PRKAA1: variants seen among roughly 807,000 people sequenced by gnomAD.
PRKAA1 encodes 5'-AMP-activated protein kinase catalytic subunit alpha-1.
PRKAA1 carries 23 observed loss-of-function variants against 56.9 expected under a neutral mutation model. The ratio of observed to expected loss-of-function variants is 0.40; its 90% confidence interval spans 0.29 to 0.57. The LOEUF is 0.57. Among genes scored for constraint, PRKAA1 ranks in the 20% least tolerant of loss-of-function variants. The probability of loss-of-function intolerance (pLI) is 0.39; values close to 1 mark genes in which losing one functional copy is unlikely to be tolerated. For missense variants in PRKAA1, 413 were observed against 679.7 expected, an observed-to-expected ratio of 0.61 and a Z score of 4.36; for synonymous variants, 226 against 227.0, an observed-to-expected ratio of 1.00 and a Z score of 0.04.
At chr5:40,765,377 T>C in intron 6 of PRKAA1, 139 bp from the exon 7 acceptor site, 1 of 1,063,270 alleles carries the variant, frequency 9.4e-7, no homozygotes, top group Non-Finnish European at 1.3e-6. Context: ...CACTGAAATT[T>C]TCCTCTTCTA....
intron 8 of PRKAA1, 108 bp from the exon 9 acceptor site, chr5:40,763,130 G>C (rs1275845483): frequency 5.6e-6 from 6 of 1,074,404 alleles, no homozygotes; most frequent in Non-Finnish European, 8.2e-6. Flanking sequence ...CAGCTATCAA[G>C]AGCACGCTTA....
chr5:40,770,186 G>T (rs950078571), intron 4 of PRKAA1, among the ~76,000 whole-genome samples: 1 of 152,214 alleles, frequency 6.6e-6, no homozygotes. Flanking sequence ...CTCTGGGCCA[G>T]ACATGGTGGC....
At chr5:40,775,051 T>A in intron 3 of PRKAA1, 1 of 1,044,276 alleles carries the variant, frequency 9.6e-7, no homozygotes, top group Non-Finnish European at 1.4e-6. Context: ...AATAATAATA[T>A]ATTTTGTAAC....
intron 4 of PRKAA1, 115 bp downstream of exon 4, chr5:40,771,604 C>A: frequency 3.0e-6 from 3 of 989,484 alleles, no homozygotes; most frequent in South Asian, 3.6e-5. Context: ...CTTTGATATA[C>A]TCAGTCTATT....
At chr5:40,771,595 T>A in intron 4 of PRKAA1, 124 bp downstream of exon 4, 1 of 917,064 alleles carries the variant, frequency 1.1e-6, no homozygotes, top group Non-Finnish European at 1.6e-6. Flanking sequence ...AACAGAATAC[T>A]TTGATATACT....
At position 40,761,564 on chromosome 5, in the gene PRKAA1, A is replaced by G. The variant is rs1453250580; in HGVS notation, c.*1214T>C. ...GTAGATATACATGTGCTTACCAAACAGTTTTTCAATTTTTCTGTTTTTAAA... is the reference window on the plus strand; with the variant it reads ...GTAGATATACATGTGCTTACCAAACGGTTTTTCAATTTTTCTGTTTTTAAA... On this transcript the variant is annotated 3_prime_UTR_variant, in exon 9 of 9. Transcript: ENST00000397128. The G allele has an allele frequency of 2.6e-5, 4 of 152,304 alleles. No individual in the cohort carries two copies. The highest frequency in any genetic ancestry group is 1.9e-4 in the East Asian group (1 of 5,192). 9.4% of individuals were successfully genotyped at this position (152,304 alleles called of 1,614,324 possible). A position where few individuals can be genotyped will look rare whatever the true frequency, so the allele number is the denominator to read the frequency against.
chr5:40,765,346 C>A, intron 6 of PRKAA1, 108 bp from the exon 7 acceptor site: 1 of 1,296,268 alleles, frequency 7.7e-7, no homozygotes, highest in South Asian at 1.6e-5. Context: ...TATATTCATA[C>A]TGTATTATTG....
At chr5:40,782,242 T>C (rs1744294201) in intron 1 of PRKAA1, among the ~76,000 whole-genome samples, 1 of 152,120 alleles carries the variant, frequency 6.6e-6, no homozygotes, top group South Asian at 2.1e-4. Flanking sequence ...TCAACCCCAA[T>C]TAACTTTAAG....
At chr5:40,795,036 A>AC (rs1554033959) in intron 1 of PRKAA1, among the ~76,000 whole-genome samples, 2 of 104,872 alleles carry the variant, frequency 1.9e-5, no homozygotes, top group Admixed American at 2.1e-4. Flanking sequence ...CACACACACA[A>AC]AATGGAATAC....
At position 40,762,746 on chromosome 5, in the gene PRKAA1, T is replaced by C. The variant is rs920984352; in HGVS notation, c.*32A>G. On this transcript the variant is annotated 3_prime_UTR_variant, in exon 9 of 9. Coordinates refer to ENST00000397128, the MANE Select transcript of PRKAA1 (RefSeq NM_006251.6). ...GGCTGTGACTTATTATGCATGCTTA[T>C]TGCTGCAAAAGAAATAAGCAAAGTT... 4 of 1,609,160 alleles carry C rather than the reference T, an allele frequency of 2.5e-6. No homozygotes were observed. The highest frequency in any genetic ancestry group is 3.3e-5 in the Admixed American group (2 of 59,770).
intron 5 of PRKAA1, chr5:40,768,822 T>A (rs1485630367): frequency 2.7e-6 from 4 of 1,491,592 alleles, no homozygotes; most frequent in Non-Finnish European, 3.5e-6. Flanking sequence ...CTTAAAAATA[T>A]TAAATTCTCC....
intron 1 of PRKAA1, among the ~76,000 whole-genome samples, chr5:40,783,715 T>C (rs1744357351): frequency 6.6e-6 from 1 of 151,898 alleles, no homozygotes; most frequent in Non-Finnish European, 1.5e-5. Context: ...GCGGAGATCA[T>C]GCCACTGCAC....
intron 1 of PRKAA1, among the ~76,000 whole-genome samples, chr5:40,779,676 C>A (rs1182045894): frequency 1.3e-5 from 2 of 152,096 alleles, no homozygotes; most frequent in African/African-American, 4.8e-5. Flanking sequence ...CTGACAAGAT[C>A]GATCAAAAAC....
chr5:40,770,811 G>A (rs1266468627), intron 4 of PRKAA1, among the ~76,000 whole-genome samples: 7 of 151,488 alleles, frequency 4.6e-5, no homozygotes, highest in Non-Finnish European at 8.8e-5. Context: ...GGCTGGGCTC[G>A]AACTCCTGAC....
rs749099408 is a variant in PRKAA1, at chr5:40,798,151, G to A, written c.39C>T (p.Ala13=). 5.0e-6 allele frequency: 8 copies of A among 1,601,592 alleles called. No homozygotes were observed. Among genetic ancestry groups the A allele is most frequent in the Middle Eastern group, 1.7e-4 (1 of 5,970 alleles). The change falls in exon 1 of 9, where the codon GCC becomes GCT. Residue 13 remains alanine, a synonymous_variant. Transcript: ENST00000397128. ...RLSSWRKMAT[A]EKQKHDGRVK... is the part of the protein sequence containing the mutation. Reference sequence around the variant, plus strand: ...CCCGCCCGTCGTGTTTCTGCTTCTCGGCTGTCGCCATCTTTCTCCAGGAAC... The same window carrying A: ...CCCGCCCGTCGTGTTTCTGCTTCTCAGCTGTCGCCATCTTTCTCCAGGAAC...
Position 40,787,479 on chromosome 5 carries a change from T to C in PRKAA1, c.128-9893A>G, listed in dbSNP as rs152373. 1.1e-3 allele frequency among the ~76,000 whole-genome samples: 170 copies of C among 151,472 alleles called. 1 individual carries two copies. In the East Asian group the frequency reaches 0.028, roughly 25 times the overall value. Reference sequence around the variant, plus strand: ...AAACTCCATCTCAAAATAATAATAATAATAATAATAATAATAAAGCTACAA... The same window carrying C: ...AAACTCCATCTCAAAATAATAATAACAATAATAATAATAATAAAGCTACAA... On this transcript the variant is annotated intron_variant, in intron 1 of 8. Transcript: ENST00000397128.
chr5:40,762,766 A>G lies in PRKAA1; in HGVS notation c.*12T>C. 1.2e-6 allele frequency: 2 copies of G among 1,611,918 alleles called. No homozygotes were observed. The highest frequency in any genetic ancestry group is 1.7e-6 in the Non-Finnish European group (2 of 1,178,462). On this transcript the variant is annotated 3_prime_UTR_variant, in exon 9 of 9. Coordinates refer to ENST00000397128, the MANE Select transcript of PRKAA1 (RefSeq NM_006251.6). ...GCTTATTGCTGCAAAAGAAATAAGC[A>G]AAGTTTTCTGTTTATTGTGCAAGAA...
chr5:40,785,835 CACACAGAGAGAG>C (rs1554033185), intron 1 of PRKAA1, among the ~76,000 whole-genome samples: 15,812 of 141,506 alleles, frequency 0.11, 1,026 homozygotes, highest in East Asian at 0.23. Context: ...CACACACACA[CACACAGAGAGAG>C]AGAGAGAGAG....
chr5:40,795,731 G>C (rs565247018), intron 1 of PRKAA1, among the ~76,000 whole-genome samples: 38 of 152,292 alleles, frequency 2.5e-4, no homozygotes, highest in African/African-American at 9.1e-4. Flanking sequence ...AAAATGAACA[G>C]GTTAAAGATT....
Sources: gnomAD v4.1 joint callset for allele counts (sites outside exome capture counted in the v4.1 genomes callset) on GRCh38, gnomAD v4.1.1 for gene constraint, MANE v1.5 for transcripts, NCBI Gene and HGNC (gene_info 2026-07-23, HGNC 2026-07-21) for gene names.